The following PCNX1 variants were observed in gnomAD, a reference collection of about 807,000 sequenced individuals.
The protein encoded by PCNX1 is pecanex 1.
A neutral mutation model predicts 242.2 loss-of-function variants in PCNX1; 78 were observed. That is an observed-to-expected ratio of 0.32 (90% CI 0.27 to 0.39). The LOEUF (loss-of-function observed/expected upper bound fraction) is 0.39. Ranked by LOEUF, PCNX1 falls within the 10% of genes least tolerant of loss-of-function variation. PCNX1 has a pLI of 1.00. For synonymous variants in PCNX1, 1,024 were observed against 1,032.9 expected (o/e 0.99, Z 0.17); for missense variants, 2,581 against 2,856.5 (o/e 0.90, Z 2.20).
chr14:70,970,593 G>A (rs895169709), intron 5 of PCNX1, among the ~76,000 whole-genome samples: 3 of 152,042 alleles, frequency 2.0e-5, no homozygotes, highest in Non-Finnish European at 2.9e-5. Flanking sequence ...ATATACACAC[G>A]AATCTACCCT....
intron 30 of PCNX1, among the ~76,000 whole-genome samples, chr14:71,098,521 TG>T (rs1407155539): frequency 8.1e-6 from 1 of 123,488 alleles, no homozygotes; most frequent in African/African-American, 3.2e-5. Flanking sequence ...TGTGTGTGTG[TG>T]TGTGTGTGTG....
chr14:71,105,118 G>A, intron 32 of PCNX1, 117 bp from the exon 33 acceptor site: 5 of 735,066 alleles, frequency 6.8e-6, no homozygotes, highest in Non-Finnish European at 4.6e-6. Flanking sequence ...GCACCATAAA[G>A]ACTTTAAAAG....
At chr14:71,004,774 G>C (rs975625470) in intron 8 of PCNX1, among the ~76,000 whole-genome samples, 3 of 152,184 alleles carry the variant, frequency 2.0e-5, no homozygotes, top group Admixed American at 2.0e-4. Flanking sequence ...CTCTTTAAAA[G>C]TATAATATAT....
At position 70,977,493 on chromosome 14, in the gene PCNX1, T is replaced by C. The variant is rs925346411; in HGVS notation, c.1156T>C (p.Cys386Arg). ...GAGTAGTGGGTCAACAGAAAGCTAC[T>C]GCAGTGGAACGGACCGGGACACTAA... Reference protein sequence around the residue: ...TRSSGSTESYCSGTDRDTNST... With the variant: ...TRSSGSTESYRSGTDRDTNST... Residue 386 changes from cysteine to arginine, a missense_variant, in exon 6 of 36, where the codon TGC (cysteine) becomes CGC (arginine). By Grantham distance (180) the Cys-to-Arg change is radical. Around this residue, in one of 9 missense-constraint regions of PCNX1, gnomAD observed 1,204 missense variants for 1,216.7 expected, o/e 0.99. Transcript: ENST00000304743. 25 of 1,614,138 alleles carry C rather than the reference T, an allele frequency of 1.5e-5. No homozygotes were observed. Among genetic ancestry groups the C allele is most frequent in the Non-Finnish European group, 2.0e-5 (24 of 1,180,020 alleles).
intron 1 of PCNX1, among the ~76,000 whole-genome samples, chr14:70,917,248 C>G (rs967755872): frequency 1.3e-5 from 2 of 152,138 alleles, no homozygotes; most frequent in Non-Finnish European, 2.9e-5. Flanking sequence ...ATTTCTACCT[C>G]CCATGAATCA....
chr14:71,005,920 A>AT (rs2059643802), intron 8 of PCNX1, among the ~76,000 whole-genome samples: 11 of 147,920 alleles, frequency 7.4e-5, no homozygotes, highest in African/African-American at 2.8e-4. Flanking sequence ...AGGTATCTTA[A>AT]CTTTTTTTTT....
Position 71,111,647 on chromosome 14 carries a change from G to A in PCNX1, c.*1712G>A, listed in dbSNP as rs539850352. 6 of 152,052 alleles carry A rather than the reference G, an allele frequency of 3.9e-5. No individual in the cohort carries two copies. The highest frequency in any genetic ancestry group is 3.9e-4 in the Admixed American group (6 of 15,274). 9.4% of individuals were successfully genotyped at this position (152,052 alleles called of 1,614,324 possible). On this transcript the variant is annotated 3_prime_UTR_variant, in exon 36 of 36. Transcript: ENST00000304743. ...AGCATAACATTACAGTAGAAGGAATGAAAACTAAGAAAGTAAATAGTGAAC... is the reference window on the plus strand; with the variant it reads ...AGCATAACATTACAGTAGAAGGAATAAAAACTAAGAAAGTAAATAGTGAAC...
chr14:71,100,235 AT>A (rs2062426993), intron 30 of PCNX1, among the ~76,000 whole-genome samples: 1 of 151,990 alleles, frequency 6.6e-6, no homozygotes, highest in Non-Finnish European at 1.5e-5. Context: ...AGCAGGTATT[AT>A]TTTTTTGTTT....
chr14:71,105,506 TG>T, intron 33 of PCNX1, 66 bp downstream of exon 33: 1 of 1,245,770 alleles, frequency 8.0e-7, no homozygotes, highest in Non-Finnish European at 1.2e-6. Flanking sequence ...TTAGTATATG[TG>T]TATAAAGAGG....
At chr14:71,026,983 G>C (rs1224826124) in intron 15 of PCNX1, 101 bp downstream of exon 15, 11 of 550,998 alleles carry the variant, frequency 2.0e-5, no homozygotes, top group East Asian at 3.3e-5. Context: ...TTCACTTCAG[G>C]CTTGAAATTA....
Position 71,057,492 on chromosome 14 carries a change from A to T in PCNX1, c.4637-17A>T, listed in dbSNP as rs750897815. ...CTTAAGGTTAAATTTAACTTTTTTT[A>T]AAATCTCTTTTTATAGGATCAGATG... On this transcript the variant is annotated splice_polypyrimidine_tract_variant and intron_variant, in intron 25 of 35. Transcript: ENST00000304743. 1.0e-5 allele frequency: 16 copies of T among 1,564,288 alleles called. No individual in the cohort carries two copies. In the Admixed American group the frequency reaches 1.2e-4, roughly 12 times the overall value.
chr14:71,052,155 A>C, intron 24 of PCNX1, 143 bp downstream of exon 24: 2 of 617,320 alleles, frequency 3.2e-6, no homozygotes, highest in Non-Finnish European at 5.3e-6. Flanking sequence ...AATAGTCTTA[A>C]AATTTGAAAA....
chr14:71,093,454 A>G (rs1321686067), intron 30 of PCNX1: 1 of 152,308 alleles, frequency 6.6e-6, no homozygotes, highest in East Asian at 1.9e-4. Context: ...CCAGCGCCAC[A>G]TGATGAGGAA....
Position 71,040,475 on chromosome 14 carries a change from G to A in PCNX1, c.3867+4318G>A, listed in dbSNP as rs551612714. Reference sequence around the variant, plus strand: ...GTGCTTGGGGTTTATTGAATCTGTGGTTTACAGTTTTCATTAAATTTGGAA... The same window carrying A: ...GTGCTTGGGGTTTATTGAATCTGTGATTTACAGTTTTCATTAAATTTGGAA... On this transcript the variant is annotated intron_variant, in intron 19 of 35. Coordinates refer to ENST00000304743, the MANE Select transcript of PCNX1 (RefSeq NM_014982.3). Among the ~76,000 whole-genome samples the A allele has an allele frequency of 3.3e-4, 50 of 151,860 alleles. 1 individual carries two copies. Among genetic ancestry groups the A allele is most frequent in the Non-Finnish European group, 5.0e-4 (34 of 67,984 alleles).
At chr14:70,974,946 C>T (rs997856884) in intron 5 of PCNX1, among the ~76,000 whole-genome samples, 12 of 151,932 alleles carry the variant, frequency 7.9e-5, no homozygotes, top group African/African-American at 2.9e-4. Flanking sequence ...CAAAATTAAA[C>T]CTTTTGTGGT....
intron 28 of PCNX1, among the ~76,000 whole-genome samples, chr14:71,076,897 T>C (rs866650009): frequency 1.3e-5 from 2 of 152,230 alleles, no homozygotes; most frequent in African/African-American, 4.8e-5. Context: ...CTAGTACAAC[T>C]GAAAAGCCGA....
intron 8 of PCNX1, among the ~76,000 whole-genome samples, chr14:71,008,188 G>A (rs1410391174): frequency 6.6e-6 from 1 of 152,088 alleles, no homozygotes. Context: ...AAAGAATGAA[G>A]TAATGCTTGA....
chr14:71,075,197 G>GT (rs2061685789), intron 27 of PCNX1, among the ~76,000 whole-genome samples: 1 of 151,812 alleles, frequency 6.6e-6, no homozygotes, highest in Non-Finnish European at 1.5e-5. Context: ...GTTTCACTGT[G>GT]TTGCCCAGGC....
intron 1 of PCNX1, among the ~76,000 whole-genome samples, chr14:70,913,568 A>G (rs1304972787): frequency 1.3e-5 from 2 of 152,190 alleles, no homozygotes; most frequent in Non-Finnish European, 2.9e-5. Flanking sequence ...ATCATTAACA[A>G]AATTTATAAA....
Sources: gnomAD v4.1 joint callset for allele counts (sites outside exome capture counted in the v4.1 genomes callset) on GRCh38, gnomAD v4.1.1 for gene constraint, gnomAD v4.1.1 regional missense constraint, MANE v1.5 for transcripts, NCBI Gene and HGNC (gene_info 2026-07-23, HGNC 2026-07-21) for gene names.